The following EIF4G3 variants were observed in gnomAD, a reference collection of about 807,000 sequenced individuals.
EIF4G3 encodes eukaryotic translation initiation factor 4 gamma 3.
Under a neutral mutation model 186.4 loss-of-function variants are expected in EIF4G3, and 34 were observed. The observed-to-expected ratio is 0.18, with a 90% CI of 0.14 to 0.24. The LOEUF (loss-of-function observed/expected upper bound fraction) is 0.24, where lower values mean the gene tolerates loss of function less well. Among genes scored for constraint, EIF4G3 ranks in the 10% least tolerant of loss-of-function variants. The pLI is 1.00. For missense variants in EIF4G3, 1,536 were observed against 1,948.5 expected (o/e 0.79, Z 3.99); for synonymous variants, 673 against 679.5 (o/e 0.99, Z 0.15).
intron 2 of EIF4G3, among the ~76,000 whole-genome samples, chr1:21,173,610 T>C (rs2098036921): frequency 6.6e-6 from 1 of 151,944 alleles, no homozygotes; most frequent in Admixed American, 6.6e-5. Context: ...ATGGCTGGAA[T>C]CCAGCCGGCG....
At chr1:20,923,670 C>T (rs1299912979) in intron 14 of EIF4G3, among the ~76,000 whole-genome samples, 2 of 152,012 alleles carry the variant, frequency 1.3e-5, no homozygotes, top group African/African-American at 4.8e-5. Flanking sequence ...ATCTGACCAT[C>T]AGTGAGTCTA....
At chr1:20,930,176 T>C (rs2095234604) in intron 14 of EIF4G3, among the ~76,000 whole-genome samples, 2 of 152,236 alleles carry the variant, frequency 1.3e-5, no homozygotes, top group Non-Finnish European at 1.5e-5. Flanking sequence ...TGGAGGTTCT[T>C]ACCTTGATGA....
At chr1:20,877,179 T>G (rs1189171666) in intron 20 of EIF4G3, among the ~76,000 whole-genome samples, 1 of 152,156 alleles carries the variant, frequency 6.6e-6, no homozygotes, top group Admixed American at 6.5e-5. Context: ...AATTCAAAAC[T>G]GGGAAAGAGC....
In EIF4G3 at chr1:21,030,019, C is replaced by A. The variant is rs148857273; in HGVS notation, c.-67+20847G>T. ...TACAGGTGTAAAACACCATGCCCAACTAATTTTTAAAAATTTTTTGTGGAG... is the reference window on the plus strand; with the variant it reads ...TACAGGTGTAAAACACCATGCCCAAATAATTTTTAAAAATTTTTTGTGGAG... On this transcript the variant is annotated intron_variant, in intron 4 of 36. Transcript: ENST00000602326. 4.6e-3 allele frequency among the ~76,000 whole-genome samples: 695 copies of A among 152,070 alleles called. 5 individuals are homozygous for A. The highest frequency in any genetic ancestry group is 0.016 in the African/African-American group (660 of 41,482).
intron 36 of EIF4G3, among the ~76,000 whole-genome samples, chr1:20,809,123 G>A (rs1292189583): frequency 2.6e-5 from 4 of 152,150 alleles, no homozygotes; most frequent in East Asian, 1.9e-4. Context: ...ACAGGCATGC[G>A]CCACCACGCC....
intron 3 of EIF4G3, among the ~76,000 whole-genome samples, chr1:21,056,643 G>A (rs955983559): frequency 1.3e-5 from 2 of 152,172 alleles, no homozygotes; most frequent in African/African-American, 4.8e-5. Flanking sequence ...CTATTATCTA[G>A]CTAAGGGTTC....
chr1:21,003,168 T>C (rs1342388755), intron 4 of EIF4G3, among the ~76,000 whole-genome samples: 1 of 114,476 alleles, frequency 8.7e-6, no homozygotes, highest in African/African-American at 2.9e-5. Flanking sequence ...GACTAATTTT[T>C]TTCTTTTTTT....
At chr1:21,117,729 T>A in intron 2 of EIF4G3, among the ~76,000 whole-genome samples, 1 of 48,898 alleles carries the variant, frequency 2.0e-5, no homozygotes. Flanking sequence ...ACTGTCCCAG[T>A]ATATAGTAAA....
At chr1:20,890,864 C>G (rs1021658813) in intron 18 of EIF4G3, among the ~76,000 whole-genome samples, 1 of 152,188 alleles carries the variant, frequency 6.6e-6, no homozygotes, top group Admixed American at 6.5e-5. Flanking sequence ...TGTCTGTTAT[C>G]TAGGAGATAG....
chr1:20,945,295 CTATT>C lies in EIF4G3; in HGVS notation c.824-2969_824-2966del, dbSNP rs554776297. Among the ~76,000 whole-genome samples the C allele has an allele frequency of 2.0e-5, 3 of 151,784 alleles. No homozygotes were observed. The East Asian group carries it at 5.8e-4, about 29-fold the overall frequency. Reference sequence around the variant, plus strand: ...GATGTCTAGAATATTTAAGGCAACACTATTTATAATACAAGAAAAAAGGAGAAAA... The same window carrying C: ...GATGTCTAGAATATTTAAGGCAACACTATAATACAAGAAAAAAGGAGAAAA... On this transcript the variant is annotated intron_variant, in intron 13 of 36. Coordinates refer to ENST00000602326, the MANE Select transcript of EIF4G3 (RefSeq NM_001391906.1).
chr1:21,141,946 AC>A (rs1460898098), intron 2 of EIF4G3, among the ~76,000 whole-genome samples: 1 of 152,078 alleles, frequency 6.6e-6, no homozygotes, highest in Non-Finnish European at 1.5e-5. Flanking sequence ...AAAAAAAAAA[AC>A]AAAATGCTAA....
intron 2 of EIF4G3, among the ~76,000 whole-genome samples, chr1:21,157,570 C>G (rs937637587): frequency 4.6e-5 from 7 of 151,946 alleles, no homozygotes; most frequent in African/African-American, 1.7e-4. Flanking sequence ...CTCCTAGGCT[C>G]AAGTGCTCCT....
chr1:21,073,492 T>C (rs527437503), intron 3 of EIF4G3: 11 of 291,760 alleles, frequency 3.8e-5, no homozygotes, highest in South Asian at 2.9e-4. Flanking sequence ...GCAATATCTA[T>C]TGGGAAGGTT....
chr1:20,834,994 A>G (rs2066322395), intron 30 of EIF4G3, among the ~76,000 whole-genome samples: 1 of 152,234 alleles, frequency 6.6e-6, no homozygotes, highest in African/African-American at 2.4e-5. Flanking sequence ...AAGACTTAAC[A>G]AATTTAAGAG....
chr1:20,814,801 A>G (rs1158615311), intron 34 of EIF4G3, among the ~76,000 whole-genome samples: 36 of 52,500 alleles, frequency 6.9e-4, no homozygotes, highest in Admixed American at 1.9e-3. Context: ...CTCTCCCCAC[A>G]GTCTCCTTCC....
At chr1:20,860,095 C>T (rs1360335319) in intron 24 of EIF4G3, among the ~76,000 whole-genome samples, 1 of 152,198 alleles carries the variant, frequency 6.6e-6, no homozygotes, top group Non-Finnish European at 1.5e-5. Flanking sequence ...GAAGTAACTA[C>T]ATTTTCCACT....
In EIF4G3 at chr1:21,016,277, A is replaced by G. The variant is rs77996255; in HGVS notation, c.-66-13469T>C. On this transcript the variant is annotated intron_variant, in intron 4 of 36. Coordinates refer to ENST00000602326, the MANE Select transcript of EIF4G3 (RefSeq NM_001391906.1). ...ATCCCTCTGATAATCATCCCAAACA[A>G]ATTCTGTAGACTACACATAAAATGA... 5.5e-3 allele frequency among the ~76,000 whole-genome samples: 844 copies of G among 152,298 alleles called. 3 individuals carry two copies. Among genetic ancestry groups the G allele is most frequent in the Non-Finnish European group, 9.6e-3 (653 of 68,022 alleles).
intron 2 of EIF4G3, among the ~76,000 whole-genome samples, chr1:21,130,828 A>G (rs1269303454): frequency 6.6e-6 from 1 of 152,210 alleles, no homozygotes; most frequent in Non-Finnish European, 1.5e-5. Context: ...ATAGATGGGT[A>G]ATTTCAGGAA....
At chr1:21,143,302 C>G (rs370994155) in intron 2 of EIF4G3, among the ~76,000 whole-genome samples, 51 of 130,118 alleles carry the variant, frequency 3.9e-4, no homozygotes, top group African/African-American at 1.4e-3. Context: ...GAAAGAGAGA[C>G]AAAGAAAGAA....
Sources: gnomAD v4.1 joint callset for allele counts (sites outside exome capture counted in the v4.1 genomes callset) on GRCh38, gnomAD v4.1.1 for gene constraint, MANE v1.5 for transcripts, NCBI Gene and HGNC (gene_info 2026-07-23, HGNC 2026-07-21) for gene names.